FGF14: variants seen among roughly 807,000 people sequenced by gnomAD.
The protein encoded by FGF14 is fibroblast growth factor 14.
Under a neutral mutation model 25.5 loss-of-function variants are expected in FGF14, and 5 were observed. That is an observed-to-expected ratio of 0.20 (90% CI 0.10 to 0.41). The LOEUF (loss-of-function observed/expected upper bound fraction) is 0.41, where lower values mean the gene tolerates loss of function less well. FGF14 is among the 10% of genes least tolerant of loss of function. FGF14 has a pLI of 1.00. For synonymous variants in FGF14, 138 were observed against 118.3 expected, an observed-to-expected ratio of 1.17 and a Z score of -1.08; for missense variants, 222 against 320.1, an observed-to-expected ratio of 0.69 and a Z score of 2.34.
chr13:101,807,663 G>C (rs1364284698), intron 3 of FGF14, among the ~76,000 whole-genome samples: 2 of 151,930 alleles, frequency 1.3e-5, no homozygotes, highest in African/African-American at 4.8e-5. Context: ...AATAATTACT[G>C]AGTATATCCA....
rs554817383 is a variant in FGF14, at chr13:101,809,949, A to C, written c.408+58776T>G. Among the ~76,000 whole-genome samples, 179 of 152,292 alleles carry C rather than the reference A, an allele frequency of 1.2e-3. 1 individual carries two copies. Among genetic ancestry groups the C allele is most frequent in the African/African-American group, 4.1e-3 (172 of 41,570 alleles). On this transcript the variant is annotated intron_variant, in intron 3 of 4. Coordinates refer to ENST00000376143, the MANE Select transcript of FGF14 (RefSeq NM_004115.4). ...AGTGAACTGGAAGAGTCTGGATTTG[A>C]ATCAAGATTTTGACCTAACTACTTA...
intron 1 of FGF14, among the ~76,000 whole-genome samples, chr13:102,304,223 C>T (rs1398688652): frequency 6.6e-6 from 1 of 152,020 alleles, no homozygotes; most frequent in East Asian, 1.9e-4. Context: ...TCCTGTCTTC[C>T]TACTGAACCC....
intron 3 of FGF14, among the ~76,000 whole-genome samples, chr13:101,753,298 G>GACAC (rs3064705): frequency 1.9e-3 from 276 of 145,906 alleles, no homozygotes; most frequent in African/African-American, 5.3e-3. Context: ...CACACAGACA[G>GACAC]ACACACACAC....
At chr13:102,155,128 T>C (rs1016389378) in intron 1 of FGF14, among the ~76,000 whole-genome samples, 1 of 152,074 alleles carries the variant, frequency 6.6e-6, no homozygotes, top group East Asian at 1.9e-4. Context: ...AACAAGGATA[T>C]CCAGGAATTG....
rs374252386 is a variant in FGF14, at chr13:101,714,448, T to A, written c.*8383A>T. On this transcript the variant is annotated 3_prime_UTR_variant, in exon 5 of 5. Coordinates refer to ENST00000376143, the MANE Select transcript of FGF14 (RefSeq NM_004115.4). The stretch of plus-strand genomic sequence containing the variant: ...CCTTTGTAATTTCAGGTTCTTGTCA[T>A]TGTGGGAAGTGCATTTGTTCTGCTG... The A allele has an allele frequency of 6.2e-7, 1 of 1,600,382 alleles. No homozygotes were observed. Among genetic ancestry groups the A allele is most frequent in the African/African-American group, 1.3e-5 (1 of 74,700 alleles).
At chr13:102,319,355 C>T (rs749083810) in intron 1 of FGF14, among the ~76,000 whole-genome samples, 3 of 152,166 alleles carry the variant, frequency 2.0e-5, no homozygotes, top group Non-Finnish European at 4.4e-5. Flanking sequence ...GAACACACCC[C>T]CTGCTCTGCT....
intron 3 of FGF14, among the ~76,000 whole-genome samples, chr13:101,752,479 A>C (rs1566856028): frequency 6.6e-6 from 1 of 152,352 alleles, no homozygotes; most frequent in East Asian, 1.9e-4. Context: ...GATGATATTA[A>C]ACTAAAAATA....
rs563191849 is a variant in FGF14, at chr13:102,352,503, A to T, written c.208+48968T>A. ...TTAGCCATCAGCAATTACATAAACT[A>T]GGGATTCTTTTAAGATGTTAAGATA... On this transcript the variant is annotated intron_variant, in intron 1 of 4. Transcript: ENST00000376131. Among the ~76,000 whole-genome samples, 484 of 152,272 alleles carry T rather than the reference A, an allele frequency of 3.2e-3. 1 individual carries two copies. The highest frequency in any genetic ancestry group is 5.0e-3 in the Non-Finnish European group (342 of 68,024).
chr13:102,215,972 C>T (rs1405887105), intron 1 of FGF14, among the ~76,000 whole-genome samples: 3 of 152,012 alleles, frequency 2.0e-5, no homozygotes, highest in South Asian at 4.1e-4. Context: ...GCAGCTAGAT[C>T]CAGAAATGTG....
chr13:102,230,085 A>G (rs2051009634), intron 1 of FGF14, among the ~76,000 whole-genome samples: 1 of 152,110 alleles, frequency 6.6e-6, no homozygotes, highest in Non-Finnish European at 1.5e-5. Context: ...TTGGGTCAAG[A>G]GGGCAGAGCC....
At chr13:101,884,866 CAT>C (rs771799470) in intron 1 of FGF14, among the ~76,000 whole-genome samples, 105 of 67,930 alleles carry the variant, frequency 1.5e-3, no homozygotes, top group Middle Eastern at 8.6e-3. Context: ...CAGACACATA[CAT>C]ACACACACAC....
chr13:102,110,271 C>CAG (rs1194555342), intron 1 of FGF14, among the ~76,000 whole-genome samples: 1 of 152,132 alleles, frequency 6.6e-6, no homozygotes, highest in Non-Finnish European at 1.5e-5. Flanking sequence ...AAGCTGTGCA[C>CAG]AGTGTTTGCC....
At position 102,138,527 on chromosome 13, in the gene FGF14, C is replaced by T. The variant is rs192322242; in HGVS notation, c.208+262944G>A. Among the ~76,000 whole-genome samples the T allele has an allele frequency of 5.9e-5, 4 of 68,342 alleles. 1 individual carries two copies. In the East Asian group the frequency reaches 1.5e-3, roughly 25 times the overall value. The allele number at this position is 68,342 out of a possible 152,430, so 44.8% of individuals were successfully genotyped here. A position where few individuals can be genotyped will look rare whatever the true frequency, so the allele number is the denominator to read the frequency against. Reference sequence around the variant, plus strand: ...GTACAATTTCTATGACAGTCCAGAACAAGTTGCCTGGGAAACATGGAAAAC... The same window carrying T: ...GTACAATTTCTATGACAGTCCAGAATAAGTTGCCTGGGAAACATGGAAAAC... On this transcript the variant is annotated intron_variant, in intron 1 of 4. Coordinates refer to the FGF14 transcript ENST00000376131.
intron 3 of FGF14, among the ~76,000 whole-genome samples, chr13:101,846,696 G>A: frequency 6.6e-6 from 1 of 152,052 alleles, no homozygotes; most frequent in East Asian, 1.9e-4. Context: ...GATAGCCAGA[G>A]TGGCTGTTTC....
At chr13:102,137,778 G>A (rs991753720) in intron 1 of FGF14, among the ~76,000 whole-genome samples, 3 of 151,836 alleles carry the variant, frequency 2.0e-5, no homozygotes, top group Non-Finnish European at 4.4e-5. Context: ...TTGTCTTTTA[G>A]GGCCATAAGT....
intron 1 of FGF14, among the ~76,000 whole-genome samples, chr13:102,000,958 A>C (rs930473169): frequency 3.3e-5 from 5 of 152,196 alleles, no homozygotes; most frequent in African/African-American, 4.8e-5. Flanking sequence ...AAAGCCAAGG[A>C]ATCCTTAAAG....
intron 1 of FGF14, among the ~76,000 whole-genome samples, chr13:102,126,981 T>A (rs1013352244): frequency 6.6e-6 from 1 of 152,182 alleles, no homozygotes; most frequent in Non-Finnish European, 1.5e-5. Context: ...ACAATTTGCT[T>A]TGAGGTAACA....
intron 1 of FGF14, among the ~76,000 whole-genome samples, chr13:102,167,414 A>G (rs2048063503): frequency 1.3e-5 from 2 of 152,018 alleles, no homozygotes; most frequent in South Asian, 2.1e-4. Context: ...TAATTAAAGC[A>G]TAAGATTTGC....
chr13:101,746,442 C>T (rs1410386987), intron 3 of FGF14, among the ~76,000 whole-genome samples: 1 of 151,950 alleles, frequency 6.6e-6, no homozygotes, highest in Non-Finnish European at 1.5e-5. Context: ...TTAGAAAATA[C>T]TGAAAACTCT....
Sources: gnomAD v4.1 joint callset for allele counts (sites outside exome capture counted in the v4.1 genomes callset) on GRCh38, gnomAD v4.1.1 for gene constraint, MANE v1.5 for transcripts, NCBI Gene and HGNC (gene_info 2026-07-23, HGNC 2026-07-21) for gene names.